The following MBOAT4 variants were observed in gnomAD, a reference collection of about 807,000 sequenced individuals.
MBOAT4 encodes membrane bound ghrelin O-acyltransferase MBOAT4.
Under a neutral mutation model 13.2 loss-of-function variants are expected in MBOAT4, and 11 were observed. The observed-to-expected ratio is 0.84, with a 90% CI of 0.53 to 1.38. The LOEUF is 1.38. Among genes scored for constraint, MBOAT4 ranks in the 40% most tolerant of loss-of-function variants. The pLI is 0.00. For synonymous variants in MBOAT4, 202 were observed against 210.3 expected, an observed-to-expected ratio of 0.96 and a Z score of 0.34; for missense variants, 481 against 527.2, an observed-to-expected ratio of 0.91 and a Z score of 0.86.
In MBOAT4 at chr8:30,144,617, A is replaced by C; in HGVS notation, c.-16T>G. The C allele has an allele frequency of 6.7e-7, 1 of 1,497,932 alleles. No homozygotes were observed. Among genetic ancestry groups the C allele is most frequent in the Non-Finnish European group, 9.1e-7 (1 of 1,101,970 alleles). The allele number at this position is 1,497,932 out of a possible 1,614,324, so 92.8% of individuals were successfully genotyped here. ...GCCACTCCATTAGGAACCAGAACAA[A>C]AGAGCCTGTCTTTTCCAGTGTCCTT... On this transcript the variant is annotated 5_prime_UTR_variant, in exon 1 of 3. Transcript: ENST00000320542.
rs1044629758 is a variant in MBOAT4, at chr8:30,138,473, C to G, written c.344+59G>C. The G allele has an allele frequency of 4.3e-6, 6 of 1,380,702 alleles. No individual in the cohort carries two copies. In the African/African-American group the frequency reaches 8.7e-5, roughly 20 times the overall value. 85.5% of individuals were successfully genotyped at this position (1,380,702 alleles called of 1,614,324 possible). On this transcript the variant is annotated intron_variant, in intron 2 of 2. Transcript: ENST00000320542. ...CCAACACCCAGGTTCTCTCTGCTAC[C>G]ACCGTGGTGCAAGCAAACTGTAGGT...
intron 1 of MBOAT4, among the ~76,000 whole-genome samples, chr8:30,141,764 C>A (rs978525940): frequency 2.7e-4 from 41 of 152,306 alleles, no homozygotes; most frequent in African/African-American, 9.1e-4. Context: ...AGCTCAGAAC[C>A]AGGAAACACC....
chr8:30,136,730 CTTTTTTT>C (rs11390350), intron 2 of MBOAT4, among the ~76,000 whole-genome samples: 4 of 143,788 alleles, frequency 2.8e-5, no homozygotes, highest in South Asian at 2.2e-4. Flanking sequence ...TCCCCCCGAA[CTTTTTTT>C]TTTTTTTTTG....
intron 1 of MBOAT4, among the ~76,000 whole-genome samples, chr8:30,138,993 A>G (rs1236903042): frequency 2.2e-5 from 3 of 139,042 alleles, no homozygotes; most frequent in Non-Finnish European, 4.7e-5. Context: ...TTTTTTTTTG[A>G]GACAGGGTCT....
intron 1 of MBOAT4, among the ~76,000 whole-genome samples, chr8:30,142,845 T>C (rs912002500): frequency 1.3e-5 from 2 of 152,240 alleles, no homozygotes; most frequent in African/African-American, 2.4e-5. Flanking sequence ...CATACCATTG[T>C]TTAATCAAAT....
chr8:30,134,994 C>T (rs1202025813), intron 2 of MBOAT4, among the ~76,000 whole-genome samples: 2 of 152,176 alleles, frequency 1.3e-5, no homozygotes, highest in African/African-American at 2.4e-5. Flanking sequence ...ATCCTCCCAC[C>T]TCTCCCTCCT....
In MBOAT4 at chr8:30,136,052, C is replaced by T. The variant is rs533071840; in HGVS notation, c.344+2480G>A. ...CTGAAGATTTAAGAAAAACTGACCC[C>T]GTCACTTGACTGATTCTCACTGAAA... is the stretch of plus-strand genomic sequence containing the variant. On this transcript the variant is annotated intron_variant, in intron 2 of 2. Transcript: ENST00000320542. Among the ~76,000 whole-genome samples, 34 of 152,264 alleles carry T rather than the reference C, an allele frequency of 2.2e-4. 1 individual carries two copies. In the South Asian group the frequency reaches 6.4e-3, roughly 29 times the overall value.
chr8:30,139,084 T>C (rs2062336283), intron 1 of MBOAT4, among the ~76,000 whole-genome samples: 1 of 151,694 alleles, frequency 6.6e-6, no homozygotes, highest in South Asian at 2.1e-4. Flanking sequence ...GTGATCCTCC[T>C]ACCTGGGAGG....
At chr8:30,142,946 T>C (rs1241020875) in intron 1 of MBOAT4, among the ~76,000 whole-genome samples, 1 of 152,202 alleles carries the variant, frequency 6.6e-6, no homozygotes, top group East Asian at 1.9e-4. Flanking sequence ...AAGTGAATTA[T>C]TAGGAAGTGG....
At position 30,142,680 on chromosome 8, in the gene MBOAT4, A is replaced by G. The variant is rs563269608; in HGVS notation, c.119+1803T>C. The stretch of plus-strand genomic sequence containing the variant: ...CCAGAAACTGAGCAATCTTCACCCT[A>G]AGGTAACTCCATGAGGATTAATCCT... On this transcript the variant is annotated intron_variant, in intron 1 of 2. Coordinates refer to ENST00000320542, the MANE Select transcript of MBOAT4 (RefSeq NM_001100916.2). Among the ~76,000 whole-genome samples the G allele has an allele frequency of 3.9e-5, 6 of 152,238 alleles. No homozygotes were observed. In the South Asian group the frequency reaches 1.2e-3, roughly 32 times the overall value.
At chr8:30,133,062 A>T (rs1803061915) in intron 2 of MBOAT4, among the ~76,000 whole-genome samples, 156 bp from the exon 3 acceptor site, 1 of 152,206 alleles carries the variant, frequency 6.6e-6, no homozygotes, top group Non-Finnish European at 1.5e-5. Flanking sequence ...ATAAATCTTA[A>T]AATAAAATAA....
At chr8:30,137,510 T>C in intron 2 of MBOAT4, 1 of 1,540,406 alleles carries the variant, frequency 6.5e-7, no homozygotes, top group South Asian at 1.2e-5. Context: ...TGACAACTAC[T>C]GCTCAGTGCC....
At chr8:30,137,825 A>T (rs1282798083) in intron 2 of MBOAT4, 1 of 314,464 alleles carries the variant, frequency 3.2e-6, no homozygotes, top group African/African-American at 2.1e-5. Context: ...ATTAGCCGAA[A>T]GATTAGAAAT....
intron 1 of MBOAT4, among the ~76,000 whole-genome samples, chr8:30,140,286 C>G (rs1803241231): frequency 6.6e-6 from 1 of 152,172 alleles, no homozygotes; most frequent in Admixed American, 6.5e-5. Context: ...TAGACGCTGT[C>G]TTGAACTCCT....
In MBOAT4 at chr8:30,131,999, T is replaced by C; in HGVS notation, c.1252A>G (p.Met418Val). The change falls in exon 3 of 3, where the codon ATG becomes GTG. Residue 418 changes from methionine (M) to valine (V), a missense_variant. Physicochemically the swap from Met to Val is conservative, Grantham distance 21. Coordinates refer to ENST00000320542, the MANE Select transcript of MBOAT4 (RefSeq NM_001100916.2). ...AGCAAAAGCAGAATACAGTACACCA[T>C]GGGAAAGACACTGTTGTACGAATTA... ...LCNSYNSVFP[M>V]VYCILLLLLA... is the part of the protein sequence containing the mutation. 5 of 1,551,994 alleles carry C rather than the reference T, an allele frequency of 3.2e-6. No individual in the cohort carries two copies. Among genetic ancestry groups the C allele is most frequent in the Non-Finnish European group, 2.6e-6 (3 of 1,147,058 alleles).
intron 1 of MBOAT4, among the ~76,000 whole-genome samples, chr8:30,143,396 TATATAA>T (rs1369337752): frequency 0.027 from 137 of 5,040 alleles, no homozygotes; most frequent in Non-Finnish European, 0.17. Context: ...TATATATATA[TATATAA>T]AAATAAATAA....
chr8:30,137,362 G>T, intron 2 of MBOAT4: 2 of 1,551,672 alleles, frequency 1.3e-6, no homozygotes, highest in East Asian at 2.4e-5. Context: ...CCCAGCAGCC[G>T]CCATGAGAAG....
Position 30,132,118 on chromosome 8 carries a change from T to C in MBOAT4, c.1133A>G (p.Tyr378Cys). ...FIRSWPMRLF[Y>C]RTLTWAHTQL... Reference sequence around the variant, plus strand: ...GGTGTGGGCCCAGGTGAGGGTTCTATAGAACAGCCTCATCGGCCAGGATCT... The same window carrying C: ...GGTGTGGGCCCAGGTGAGGGTTCTACAGAACAGCCTCATCGGCCAGGATCT... The change falls in exon 3 of 3, where the codon TAT (tyrosine) becomes TGT (cysteine). Residue 378 changes from tyrosine to cysteine, a missense_variant. By Grantham distance (194) the Tyr-to-Cys change is radical. Coordinates refer to ENST00000320542, the MANE Select transcript of MBOAT4 (RefSeq NM_001100916.2). 1.3e-6 allele frequency: 2 copies of C among 1,551,678 alleles called. No individual in the cohort carries two copies. The highest frequency in any genetic ancestry group is 1.7e-4 in the Middle Eastern group (1 of 5,992).
chr8:30,131,862 A>G lies in MBOAT4; in HGVS notation c.*81T>C. 6.9e-7 allele frequency: 1 copy of G among 1,441,312 alleles called. No homozygotes were observed. Among genetic ancestry groups the G allele is most frequent in the Admixed American group, 2.8e-5 (1 of 35,706 alleles). The allele number at this position is 1,441,312 out of a possible 1,614,324, so 89.3% of individuals were successfully genotyped here. A position where few individuals can be genotyped will look rare whatever the true frequency, so the allele number is the denominator to read the frequency against. The stretch of plus-strand genomic sequence containing the variant: ...AAAAAATTTTATTATGGAAAAGTTC[A>G]AATGTATGCATTATCGATGCGTCAT... On this transcript the variant is annotated 3_prime_UTR_variant, in exon 3 of 3. Coordinates refer to ENST00000320542, the MANE Select transcript of MBOAT4 (RefSeq NM_001100916.2).
Sources: gnomAD v4.1 joint callset for allele counts (sites outside exome capture counted in the v4.1 genomes callset) on GRCh38, gnomAD v4.1.1 for gene constraint, MANE v1.5 for transcripts, NCBI Gene and HGNC (gene_info 2026-07-23, HGNC 2026-07-21) for gene names.